Variants in NEGR1 observed in about 807,000 individuals in gnomAD.
NEGR1 encodes neuronal growth regulator 1.
NEGR1 carries 10 observed loss-of-function variants against 40.9 expected under a neutral mutation model. That is an observed-to-expected ratio of 0.24 (90% CI 0.15 to 0.42). The LOEUF (loss-of-function observed/expected upper bound fraction) is 0.42, where lower values mean the gene tolerates loss of function less well. NEGR1 is among the 10% of genes least tolerant of loss of function. NEGR1 has a pLI of 1.00. For synonymous variants in NEGR1, 185 were observed against 166.8 expected (o/e 1.11, Z -0.84); for missense variants, 352 against 438.9 (o/e 0.80, Z 1.77).
At chr1:72,212,325 T>G (rs1653640643) in intron 1 of NEGR1, among the ~76,000 whole-genome samples, 1 of 151,926 alleles carries the variant, frequency 6.6e-6, no homozygotes, top group Non-Finnish European at 1.5e-5. Flanking sequence ...TTGTAATCAT[T>G]TTTTCTGTCT....
At chr1:72,038,178 T>A (rs978209624) in intron 1 of NEGR1, among the ~76,000 whole-genome samples, 1 of 152,100 alleles carries the variant, frequency 6.6e-6, no homozygotes, top group Admixed American at 6.6e-5. Context: ...AATCTTTAAA[T>A]AAGTCTGTTA....
rs1292351584 is a variant in NEGR1, at chr1:71,515,695, T to C, written c.940+77122A>G. On this transcript the variant is annotated intron_variant, in intron 6 of 6. Coordinates refer to ENST00000357731, the MANE Select transcript of NEGR1 (RefSeq NM_173808.3). ...TGAGCAAAATAACCAGCTAACATCA[T>C]AATGACAGGATCAAATTCACACATA... Among the ~76,000 whole-genome samples the C allele has an allele frequency of 1.3e-4, 18 of 133,522 alleles. 1 individual carries two copies. In the East Asian group the frequency reaches 2.5e-3, roughly 19 times the overall value. 87.6% of individuals were successfully genotyped at this position (133,522 alleles called of 152,430 possible). A position where few individuals can be genotyped will look rare whatever the true frequency, so the allele number is the denominator to read the frequency against.
In NEGR1 at chr1:71,711,235, C is replaced by T. The variant is rs556185563; in HGVS notation, c.536-13096G>A. 8.8e-5 allele frequency among the ~76,000 whole-genome samples: 13 copies of T among 147,460 alleles called. No individual in the cohort carries two copies. The East Asian group carries it at 1.8e-3, about 21-fold the overall frequency. ...TGCCAGGCGCCTGCAGTCCCAGCTA[C>T]GCGGGAGGCTGAGGCAGGAGAAGGG... is the stretch of plus-strand genomic sequence containing the variant. On this transcript the variant is annotated intron_variant, in intron 3 of 6. Coordinates refer to ENST00000357731, the MANE Select transcript of NEGR1 (RefSeq NM_173808.3).
intron 6 of NEGR1, among the ~76,000 whole-genome samples, chr1:71,410,789 CAAGTT>C (rs1372001407): frequency 5.9e-5 from 9 of 152,092 alleles, no homozygotes; most frequent in Admixed American, 3.3e-4. Flanking sequence ...TAATGATACT[CAAGTT>C]AAGGGTCTCA....
At chr1:72,103,370 A>G (rs1473547361) in intron 1 of NEGR1, among the ~76,000 whole-genome samples, 1 of 152,074 alleles carries the variant, frequency 6.6e-6, no homozygotes, top group Non-Finnish European at 1.5e-5. Context: ...AGCATAATTA[A>G]TGATTTAATA....
intron 6 of NEGR1, among the ~76,000 whole-genome samples, chr1:71,579,264 T>C (rs184797838): frequency 1.3e-5 from 2 of 152,308 alleles, no homozygotes; most frequent in Admixed American, 6.5e-5. Flanking sequence ...TAGTCATTCT[T>C]TCTATCACCC....
chr1:71,600,325 G>A (rs551226365), intron 5 of NEGR1, among the ~76,000 whole-genome samples: 15 of 152,338 alleles, frequency 9.8e-5, no homozygotes, highest in African/African-American at 3.6e-4. Flanking sequence ...CTCATTTCCA[G>A]GTAGATTTAG....
intron 6 of NEGR1, chr1:71,487,973 T>C (rs1646899068): frequency 6.6e-6 from 1 of 151,726 alleles, no homozygotes; most frequent in Non-Finnish European, 1.5e-5. Context: ...CCTTCTGATG[T>C]TTTTTCTTGT....
At chr1:72,089,769 C>A (rs11802483) in intron 1 of NEGR1, among the ~76,000 whole-genome samples, 1,619 of 152,104 alleles carry the variant, frequency 0.011, 29 homozygotes, top group African/African-American at 0.037. Context: ...TAAATAATTT[C>A]TTGCCTTGCA....
At chr1:71,746,466 T>G (rs1320193961) in intron 3 of NEGR1, among the ~76,000 whole-genome samples, 1 of 152,068 alleles carries the variant, frequency 6.6e-6, no homozygotes, top group Non-Finnish European at 1.5e-5. Context: ...CTATGAAAAA[T>G]CCTTAAAAAT....
At chr1:71,988,712 T>C (rs1320057307) in intron 1 of NEGR1, among the ~76,000 whole-genome samples, 1 of 151,802 alleles carries the variant, frequency 6.6e-6, no homozygotes, top group Non-Finnish European at 1.5e-5. Context: ...GTGTAGGTTT[T>C]ACAGTGGGAC....
At chr1:71,961,395 G>A (rs1259359235) in intron 1 of NEGR1, among the ~76,000 whole-genome samples, 1 of 152,110 alleles carries the variant, frequency 6.6e-6, no homozygotes, top group Non-Finnish European at 1.5e-5. Context: ...TGTTGACTGA[G>A]TAAAATGCCA....
At chr1:71,466,259 G>T (rs1258194379) in intron 6 of NEGR1, among the ~76,000 whole-genome samples, 1 of 152,050 alleles carries the variant, frequency 6.6e-6, no homozygotes, top group Non-Finnish European at 1.5e-5. Context: ...ATTCTAAAAT[G>T]CTATATTCCT....
At chr1:71,916,122 G>A (rs1570497803) in intron 2 of NEGR1, among the ~76,000 whole-genome samples, 2 of 152,266 alleles carry the variant, frequency 1.3e-5, no homozygotes, top group South Asian at 4.1e-4. Context: ...GGGAAGCAGG[G>A]AGTGGGGGTT....
intron 4 of NEGR1, among the ~76,000 whole-genome samples, chr1:71,680,141 A>G (rs1652789038): frequency 6.6e-6 from 1 of 151,954 alleles, no homozygotes; most frequent in South Asian, 2.1e-4. Context: ...AATTATTTGA[A>G]AGTTTTCTTT....
At chr1:71,452,307 G>T (rs754930109) in intron 6 of NEGR1, among the ~76,000 whole-genome samples, 2 of 152,114 alleles carry the variant, frequency 1.3e-5, no homozygotes, top group African/African-American at 4.8e-5. Context: ...TATCTTAGGG[G>T]TTTTCTTTTG....
intron 1 of NEGR1, among the ~76,000 whole-genome samples, chr1:72,193,576 C>G (rs976662181): frequency 6.6e-6 from 1 of 151,534 alleles, no homozygotes; most frequent in African/African-American, 2.4e-5. Context: ...GAATTAGAAA[C>G]AAAGGATCCT....
In NEGR1 at chr1:72,238,258, C is replaced by G. The variant is rs1455349060; in HGVS notation, c.176+44061G>C. On this transcript the variant is annotated intron_variant, in intron 1 of 6. Coordinates refer to ENST00000357731, the MANE Select transcript of NEGR1 (RefSeq NM_173808.3). The stretch of plus-strand genomic sequence containing the variant: ...AGTGTTAACAATACCAAGCCCTGCC[C>G]TGAAGAATCTCAGTTTCTAGAAGGA... Among the ~76,000 whole-genome samples the G allele has an allele frequency of 2.0e-5, 3 of 151,540 alleles. No individual in the cohort carries two copies. The East Asian group carries it at 5.8e-4, about 29-fold the overall frequency.
intron 2 of NEGR1, among the ~76,000 whole-genome samples, chr1:71,821,160 C>T (rs1658415484): frequency 6.6e-6 from 1 of 152,018 alleles, no homozygotes; most frequent in African/African-American, 2.4e-5. Flanking sequence ...GTTAACTCTT[C>T]TGCCCTCTGC....
Sources: gnomAD v4.1 joint callset for allele counts (sites outside exome capture counted in the v4.1 genomes callset) on GRCh38, gnomAD v4.1.1 for gene constraint, MANE v1.5 for transcripts, NCBI Gene and HGNC (gene_info 2026-07-23, HGNC 2026-07-21) for gene names.